NUP93: variants seen among roughly 807,000 people sequenced by gnomAD.
NUP93 encodes nuclear pore complex protein Nup93.
In NUP93, 55 loss-of-function variants were observed where a neutral mutation model predicts 107.8. The ratio of observed to expected loss-of-function variants is 0.51; its 90% CI spans 0.41 to 0.64. The LOEUF is 0.64. Among genes scored for constraint, NUP93 ranks in the 30% least tolerant of loss-of-function variants. NUP93 has a pLI of 0.00. For missense variants in NUP93, 937 were observed against 1,044.7 expected, an observed-to-expected ratio of 0.90 and a Z score of 1.42; for synonymous variants, 390 against 397.5, an observed-to-expected ratio of 0.98 and a Z score of 0.22.
intron 12 of NUP93, 123 bp from the exon 13 acceptor site, chr16:56,833,092 C>A: frequency 2.6e-6 from 2 of 781,662 alleles, no homozygotes; most frequent in South Asian, 3.5e-5. Context: ...CAGACTCAAT[C>A]TGGTGCTTTC....
chr16:56,818,321 G>C (rs1399856090), intron 5 of NUP93, among the ~76,000 whole-genome samples: 2 of 152,230 alleles, frequency 1.3e-5, no homozygotes, highest in Non-Finnish European at 1.5e-5. Context: ...CTAGTGTGAA[G>C]ACATGGGAAG....
intron 19 of NUP93, 164 bp downstream of exon 19, chr16:56,839,233 C>CGT: frequency 1.9e-5 from 1 of 52,108 alleles, no homozygotes. Flanking sequence ...TCCTGTGTGG[C>CGT]TTTTTTTTTT....
chr16:56,748,230 C>G lies in NUP93; in HGVS notation c.-14-4C>G, dbSNP rs773819569. The G allele has an allele frequency of 7.6e-6, 12 of 1,575,728 alleles. No individual in the cohort carries two copies. Among genetic ancestry groups the G allele is most frequent in the Non-Finnish European group, 9.5e-6 (11 of 1,155,118 alleles). On this transcript the variant is annotated splice_region_variant and splice_polypyrimidine_tract_variant and intron_variant, in intron 1 of 21. Coordinates refer to ENST00000308159, the MANE Select transcript of NUP93 (RefSeq NM_014669.5). ...TAGATCTTTTCATTTTTTCTCCCATCTAGGATCTGCATCTCCAATGGATAC... is the reference window on the plus strand; with the variant it reads ...TAGATCTTTTCATTTTTTCTCCCATGTAGGATCTGCATCTCCAATGGATAC...
chr16:56,824,377 CT>C (rs781181896), intron 8 of NUP93, among the ~76,000 whole-genome samples: 2 of 152,190 alleles, frequency 1.3e-5, no homozygotes, highest in Admixed American at 6.5e-5. Context: ...CCAATCAGAG[CT>C]GGTCACTGAG....
At chr16:56,736,479 G>C (rs537762567) in intron 1 of NUP93, among the ~76,000 whole-genome samples, 19 of 152,352 alleles carry the variant, frequency 1.2e-4, no homozygotes, top group African/African-American at 4.1e-4. Context: ...CTGCCTGCTT[G>C]CTATGGAAAA....
At chr16:56,814,661 C>G (rs546156432) in intron 5 of NUP93, among the ~76,000 whole-genome samples, 2 of 152,244 alleles carry the variant, frequency 1.3e-5, no homozygotes, top group Non-Finnish European at 2.9e-5. Context: ...ACCATCTACT[C>G]TGACGAGACT....
intron 1 of NUP93, among the ~76,000 whole-genome samples, chr16:56,745,962 C>G (rs934899937): frequency 6.6e-6 from 1 of 152,070 alleles, no homozygotes; most frequent in African/African-American, 2.4e-5. Context: ...CTTTGTCTGA[C>G]GTAGGAATGA....
rs1964106372 is a variant in NUP93, at chr16:56,845,496, C to G, written c.*887C>G. The G allele has an allele frequency of 6.6e-6, 1 of 152,232 alleles. No individual in the cohort carries two copies. Among genetic ancestry groups the G allele is most frequent in the South Asian group, 2.1e-4 (1 of 4,824 alleles). The allele number at this position is 152,232 out of a possible 1,614,324, so 9.4% of individuals were successfully genotyped here. Reference sequence around the variant, plus strand: ...GAGTCTGCAATGTACAGAATCCAGACCACCACATGGCATCAGCACCATGGG... The same window carrying G: ...GAGTCTGCAATGTACAGAATCCAGAGCACCACATGGCATCAGCACCATGGG... On this transcript the variant is annotated 3_prime_UTR_variant, in exon 22 of 22. Transcript: ENST00000308159.
chr16:56,774,288 G>A (rs1013307976), intron 3 of NUP93, among the ~76,000 whole-genome samples: 12 of 152,174 alleles, frequency 7.9e-5, no homozygotes, highest in Admixed American at 2.0e-4. Flanking sequence ...TAAATACACC[G>A]TCTGCTATCA....
chr16:56,749,407 C>T (rs529225204), intron 2 of NUP93, among the ~76,000 whole-genome samples: 1 of 152,146 alleles, frequency 6.6e-6, no homozygotes. Flanking sequence ...AGGATTCAAA[C>T]CTAGTGAGGT....
intron 3 of NUP93, among the ~76,000 whole-genome samples, chr16:56,793,815 G>A (rs1417551676): frequency 6.6e-6 from 1 of 152,122 alleles, no homozygotes; most frequent in Admixed American, 6.5e-5. Flanking sequence ...TATACTTTGG[G>A]AGGCTGAGGC....
Position 56,845,211 on chromosome 16 carries a change from A to G in NUP93, c.*602A>G, listed in dbSNP as rs1193688885. ...GTTCTGTTGCAATCCCAGTGGAGAT[A>G]AAAGCATAGACCTAGAAAAAGCCTT... On this transcript the variant is annotated 3_prime_UTR_variant, in exon 22 of 22. Transcript: ENST00000308159. 12 of 166,306 alleles carry G rather than the reference A, an allele frequency of 7.2e-5. No homozygotes were observed. The highest frequency in any genetic ancestry group is 2.9e-4 in the African/African-American group (12 of 41,922). 10.3% of individuals were successfully genotyped at this position (166,306 alleles called of 1,614,324 possible). A position where few individuals can be genotyped will look rare whatever the true frequency, so the allele number is the denominator to read the frequency against.
At chr16:56,772,613 A>G (rs772235105) in intron 3 of NUP93, among the ~76,000 whole-genome samples, 63 of 152,228 alleles carry the variant, frequency 4.1e-4, no homozygotes, top group African/African-American at 1.3e-3. Flanking sequence ...CTTGCTGTCT[A>G]TCAGAGGTGG....
At chr16:56,768,799 A>G (rs564613788) in intron 3 of NUP93, among the ~76,000 whole-genome samples, 3 of 150,474 alleles carry the variant, frequency 2.0e-5, no homozygotes, top group Non-Finnish European at 3.0e-5. Flanking sequence ...CCCAGGAGGT[A>G]GAGCTTGCGG....
At position 56,808,086 on chromosome 16, in the gene NUP93, TATAA is replaced by T. The variant is rs1963185793; in HGVS notation, c.489+2458_489+2461del. Among the ~76,000 whole-genome samples the T allele has an allele frequency of 2.9e-5, 4 of 137,538 alleles. No individual in the cohort carries two copies. In the South Asian group the frequency reaches 8.8e-4, roughly 30 times the overall value. The allele number at this position is 137,538 out of a possible 152,430, so 90.2% of individuals were successfully genotyped here. ...ATAAATATATATAAATATAAAAATA[TATAA>T]ATATACACACACATATAAATATATA... is the stretch of plus-strand genomic sequence containing the variant. On this transcript the variant is annotated intron_variant, in intron 5 of 21. Coordinates refer to ENST00000308159, the MANE Select transcript of NUP93 (RefSeq NM_014669.5).
intron 5 of NUP93, among the ~76,000 whole-genome samples, chr16:56,814,563 G>A (rs1374557445): frequency 6.6e-6 from 1 of 152,136 alleles, no homozygotes; most frequent in Non-Finnish European, 1.5e-5. Context: ...AATACACTTT[G>A]TACAATAGTA....
chr16:56,742,129 CA>C (rs1961749277), intron 1 of NUP93, among the ~76,000 whole-genome samples: 1 of 152,208 alleles, frequency 6.6e-6, no homozygotes, highest in Non-Finnish European at 1.5e-5. Context: ...GCATCCTGTG[CA>C]TTAGGTCAAT....
intron 1 of NUP93, among the ~76,000 whole-genome samples, chr16:56,740,036 C>T (rs1213021659): frequency 2.2e-4 from 15 of 67,232 alleles, no homozygotes; most frequent in East Asian, 6.3e-4. Flanking sequence ...GCAGAGGCGC[C>T]CCTCACCTCC....
chr16:56,761,579 G>A (rs535663435), intron 3 of NUP93, among the ~76,000 whole-genome samples: 30 of 150,190 alleles, frequency 2.0e-4, no homozygotes, highest in Non-Finnish European at 4.0e-4. Context: ...TTTGAGGTGA[G>A]AATGCACCCT....
Sources: allele counts gnomAD v4.1 joint callset (sites outside exome capture counted in the v4.1 genomes callset), GRCh38; gene constraint gnomAD v4.1.1; transcripts MANE v1.5; gene names NCBI Gene and HGNC (gene_info 2026-07-23, HGNC 2026-07-21).